Variants in MYBL2 observed in about 807,000 individuals in gnomAD.
MYBL2 encodes the protein myb-related protein B.
In MYBL2, 28 loss-of-function variants were observed where a neutral mutation model predicts 79.9. The ratio of observed to expected loss-of-function variants is 0.35; its 90% CI spans 0.26 to 0.48. The LOEUF (loss-of-function observed/expected upper bound fraction) is 0.48. MYBL2 is among the 20% of genes least tolerant of loss of function. The pLI is 0.99. For synonymous variants in MYBL2, 378 were observed against 361.2 expected, an observed-to-expected ratio of 1.05 and a Z score of -0.53; for missense variants, 735 against 893.9, an observed-to-expected ratio of 0.82 and a Z score of 2.27.
chr20:43,681,870 G>A lies in MYBL2; in HGVS notation c.186+15G>A, dbSNP rs182947121. The A allele has an allele frequency of 5.3e-5, 85 of 1,613,638 alleles. No individual in the cohort carries two copies. In the African/African-American group the frequency reaches 9.1e-4, roughly 17 times the overall value. ...GCCACTTCCCTGTGAGTACAGTCCTGCTGTGGCCCTCCCTCGGGGCAAGGG... is the reference window on the plus strand; with the variant it reads ...GCCACTTCCCTGTGAGTACAGTCCTACTGTGGCCCTCCCTCGGGGCAAGGG... On this transcript the variant is annotated intron_variant, in intron 3 of 13. Transcript: ENST00000217026.
chr20:43,693,005 T>A (rs1987448849), intron 6 of MYBL2, among the ~76,000 whole-genome samples: 1 of 152,172 alleles, frequency 6.6e-6, no homozygotes, highest in Admixed American at 6.5e-5. Flanking sequence ...TTCTAGAAAT[T>A]AACAATTAAA....
At chr20:43,691,996 A>T (rs915499675) in intron 5 of MYBL2, among the ~76,000 whole-genome samples, 161 bp from the exon 6 acceptor site, 2 of 152,010 alleles carry the variant, frequency 1.3e-5, no homozygotes, top group African/African-American at 4.8e-5. Context: ...AGGGCTAGAG[A>T]CTTGTGAGAC....
intron 2 of MYBL2, among the ~76,000 whole-genome samples, chr20:43,679,644 G>T (rs532930066): frequency 6.6e-6 from 1 of 152,066 alleles, no homozygotes; most frequent in Admixed American, 6.5e-5. Context: ...GGTGGGTCAC[G>T]GTGGCTCAGG....
chr20:43,698,120 G>T (rs1241477559), intron 6 of MYBL2, among the ~76,000 whole-genome samples: 2 of 145,788 alleles, frequency 1.4e-5, no homozygotes, highest in Non-Finnish European at 3.0e-5. Flanking sequence ...GTATATTAAG[G>T]ATGCTACTCC....
chr20:43,714,401 T>C (rs1987981774), intron 12 of MYBL2, among the ~76,000 whole-genome samples: 1 of 152,112 alleles, frequency 6.6e-6, no homozygotes, highest in Admixed American at 6.6e-5. Flanking sequence ...CGTTATTGAG[T>C]ATGTTATTAC....
intron 3 of MYBL2, among the ~76,000 whole-genome samples, chr20:43,682,552 C>T (rs997042302): frequency 6.6e-6 from 1 of 152,206 alleles, no homozygotes; most frequent in Non-Finnish European, 1.5e-5. Context: ...CCCTTGTGTT[C>T]GGTTGGTAGG....
intron 9 of MYBL2, among the ~76,000 whole-genome samples, chr20:43,706,719 G>GTTTTTTT (rs71193702): frequency 0.011 from 807 of 70,756 alleles, 36 homozygotes; most frequent in Non-Finnish European, 0.016. Context: ...AAAAAAAAAA[G>GTTTTTTT]TTTTTTTTTT....
intron 13 of MYBL2, 136 bp downstream of exon 13, chr20:43,715,419 T>A: frequency 7.0e-7 from 1 of 1,425,022 alleles, no homozygotes. Flanking sequence ...TTCCTCTGCC[T>A]GGGTGCTTTT....
intron 5 of MYBL2, among the ~76,000 whole-genome samples, chr20:43,689,704 T>C (rs1472272513): frequency 6.6e-6 from 1 of 152,240 alleles, no homozygotes; most frequent in African/African-American, 2.4e-5. Context: ...CAGTTGTAGC[T>C]GAAGATAACA....
chr20:43,686,753 C>T, intron 4 of MYBL2, 99 bp from the exon 5 acceptor site: 1 of 1,199,380 alleles, frequency 8.3e-7, no homozygotes, highest in Non-Finnish European at 1.2e-6. Context: ...GTAGGTGGCA[C>T]CTCTCAGGGC....
At chr20:43,684,231 T>C (rs1344569757) in intron 4 of MYBL2, among the ~76,000 whole-genome samples, 3 of 151,722 alleles carry the variant, frequency 2.0e-5, no homozygotes, top group Non-Finnish European at 4.4e-5. Flanking sequence ...CTGTTCTTTT[T>C]TTTTTTTTCC....
intron 2 of MYBL2, among the ~76,000 whole-genome samples, chr20:43,676,735 A>G (rs1014458308): frequency 1.7e-4 from 26 of 152,162 alleles, no homozygotes; most frequent in Non-Finnish European, 1.3e-4. Context: ...CTTTTTCTTA[A>G]TGGATTGTAC....
intron 1 of MYBL2, among the ~76,000 whole-genome samples, chr20:43,671,051 C>T (rs1414959949): frequency 6.6e-6 from 1 of 151,636 alleles, no homozygotes; most frequent in Non-Finnish European, 1.5e-5. Flanking sequence ...TCACTGCAAC[C>T]TCTGCCTCCT....
At chr20:43,676,198 C>T (rs992606190) in intron 2 of MYBL2, among the ~76,000 whole-genome samples, 12 of 152,112 alleles carry the variant, frequency 7.9e-5, no homozygotes, top group South Asian at 2.1e-4. Flanking sequence ...GGATTACAGG[C>T]GTGAGCCACT....
At chr20:43,679,595 C>A (rs560353359) in intron 2 of MYBL2, among the ~76,000 whole-genome samples, 10 of 151,854 alleles carry the variant, frequency 6.6e-5, no homozygotes, top group African/African-American at 1.4e-4. Context: ...ATAGCAAGAC[C>A]CTATCATTAA....
At chr20:43,668,806 G>A (rs6073171) in intron 1 of MYBL2, among the ~76,000 whole-genome samples, 2 of 150,902 alleles carry the variant, frequency 1.3e-5, no homozygotes, top group African/African-American at 4.9e-5. Flanking sequence ...TCCCAACTCA[G>A]CCCGCTGGGA....
chr20:43,698,914 T>G (rs1380739598), intron 6 of MYBL2, among the ~76,000 whole-genome samples: 1 of 149,400 alleles, frequency 6.7e-6, no homozygotes, highest in Non-Finnish European at 1.5e-5. Context: ...CATAGCCCAT[T>G]GCAACCTTGA....
In MYBL2 at chr20:43,674,234, C is replaced by CCCTTTT. The variant is rs33986259; in HGVS notation, c.114+335_114+336insCCTTTT. On this transcript the variant is annotated intron_variant, in intron 2 of 13. Coordinates refer to ENST00000217026, the MANE Select transcript of MYBL2 (RefSeq NM_002466.4). Reference sequence around the variant, plus strand: ...GGCCAAATCTGTAACTCCCCCCACCCTTTTTTTTTTTTTTTTTTTGAGACA... The same window carrying CCCTTTT: ...GGCCAAATCTGTAACTCCCCCCACCCCCTTTTTTTTTTTTTTTTTTTTTTTGAGACA... Among the ~76,000 whole-genome samples the CCCTTTT allele has an allele frequency of 1.1e-4, 8 of 72,230 alleles. 1 individual carries two copies. The highest frequency in any genetic ancestry group is 1.5e-4 in the Non-Finnish European group (5 of 33,008). The allele number at this position is 72,230 out of a possible 152,430, so 47.4% of individuals were successfully genotyped here. A position where few individuals can be genotyped will look rare whatever the true frequency, so the allele number is the denominator to read the frequency against.
Position 43,686,351 on chromosome 20 carries a change from C to T in MYBL2, c.280-501C>T, listed in dbSNP as rs1472121646. Reference sequence around the variant, plus strand: ...ACTCAGGTCTGGCTAGGTCAGCCCGCGATGCCTGCTACCATGGCTCAGCCT... The same window carrying T: ...ACTCAGGTCTGGCTAGGTCAGCCCGTGATGCCTGCTACCATGGCTCAGCCT... On this transcript the variant is annotated intron_variant, in intron 4 of 13. Transcript: ENST00000217026. Among the ~76,000 whole-genome samples the T allele has an allele frequency of 7.9e-5, 12 of 152,232 alleles. No homozygotes were observed. The South Asian group carries it at 1.0e-3, about 13-fold the overall frequency.
Sources: allele counts gnomAD v4.1 joint callset (sites outside exome capture counted in the v4.1 genomes callset), GRCh38; gene constraint gnomAD v4.1.1; transcripts MANE v1.5; gene names NCBI Gene and HGNC (gene_info 2026-07-23, HGNC 2026-07-21).